The following ZNF667 variants were observed in gnomAD, a reference collection of about 807,000 sequenced individuals.
ZNF667 encodes the protein zinc finger protein 667.
A neutral mutation model predicts 31.8 loss-of-function variants in ZNF667; 13 were observed. That is an observed-to-expected ratio of 0.41 (90% CI 0.27 to 0.65). ZNF667 has a LOEUF of 0.65. Among genes scored for constraint, ZNF667 ranks in the 30% least tolerant of loss-of-function variants. The pLI is 0.32. For missense variants in ZNF667, 642 were observed against 725.6 expected (o/e 0.88, Z 1.32); for synonymous variants, 228 against 247.1 (o/e 0.92, Z 0.73).
At chr19:56,452,471 A>C (rs1485174346) in intron 6 of ZNF667, among the ~76,000 whole-genome samples, 2 of 152,254 alleles carry the variant, frequency 1.3e-5, no homozygotes, top group Non-Finnish European at 2.9e-5. Flanking sequence ...AGAGTTTGTA[A>C]CAATAAACGC....
At chr19:56,451,020 A>G (rs1218636203) in intron 6 of ZNF667, among the ~76,000 whole-genome samples, 2 of 152,220 alleles carry the variant, frequency 1.3e-5, no homozygotes, top group African/African-American at 4.8e-5. Flanking sequence ...CTAAATCTCC[A>G]GTCAAAAGCC....
intron 6 of ZNF667, among the ~76,000 whole-genome samples, chr19:56,450,636 C>T (rs10408272): frequency 0.015 from 2,278 of 152,092 alleles, 51 homozygotes; most frequent in African/African-American, 0.05. Flanking sequence ...GACTAAAAGA[C>T]GGACTGACAA....
chr19:56,470,054 A>G (rs1170133885), intron 3 of ZNF667: 1 of 457,228 alleles, frequency 2.2e-6, no homozygotes, highest in Admixed American at 2.3e-5. Context: ...CAATGTTCTC[A>G]TGTGTGCAGC....
At chr19:56,461,774 G>A (rs1218378089) in intron 4 of ZNF667, among the ~76,000 whole-genome samples, 1 of 152,270 alleles carries the variant, frequency 6.6e-6, no homozygotes, top group African/African-American at 2.4e-5. Flanking sequence ...CAGTCGTGGA[G>A]CATGCTGACC....
Position 56,442,170 on chromosome 19 carries a change from G to T in ZNF667, c.825C>A (p.His275Gln). ...TATATTTATGTGTTTTCTTTCCATT[G>T]TGAATTTTCTTATGAAGTAAAAGGG... ...MSSLLLHKKI[H>Q]NGKKTHKYNK... Residue 275 changes from histidine to glutamine, a missense_variant, in exon 7 of 7, where the codon CAC becomes CAA. Physicochemically the swap from His to Gln is conservative, Grantham distance 24. Transcript: ENST00000504904. The T allele has an allele frequency of 6.2e-7, 1 of 1,613,466 alleles. No individual in the cohort carries two copies. Among genetic ancestry groups the T allele is most frequent in the Non-Finnish European group, 8.5e-7 (1 of 1,179,806 alleles).
intron 3 of ZNF667, among the ~76,000 whole-genome samples, chr19:56,465,029 A>T (rs1391069005): frequency 6.6e-6 from 1 of 152,250 alleles, no homozygotes; most frequent in Admixed American, 6.5e-5. Flanking sequence ...ATTACTCTTC[A>T]CCAAATGTTA....
At chr19:56,455,257 TG>T (rs34960732) in intron 6 of ZNF667, among the ~76,000 whole-genome samples, 1 of 152,122 alleles carries the variant, frequency 6.6e-6, no homozygotes, top group African/African-American at 2.4e-5. Flanking sequence ...GACAACAGTA[TG>T]GGGGGGTTCC....
In ZNF667 at chr19:56,441,048, A is replaced by C. The variant is rs373830305; in HGVS notation, c.*114T>G. The C allele has an allele frequency of 5.0e-5, 73 of 1,471,760 alleles. No homozygotes were observed. In the African/African-American group the frequency reaches 9.7e-4, roughly 19 times the overall value. 91.2% of individuals were successfully genotyped at this position (1,471,760 alleles called of 1,614,324 possible). ...ATGACTTTTGCTCTTTGGCTTTCAA[A>C]GTGGGACATATCATCAAATGGTCCC... On this transcript the variant is annotated 3_prime_UTR_variant, in exon 7 of 7. Transcript: ENST00000504904. The surrounding 1 kb of genome is among the most constrained non-coding windows in gnomAD (Gnocchi z 4.2).
chr19:56,441,228 C>T lies in ZNF667; in HGVS notation c.1767G>A (p.Gly589=). ...SEKPYECSKC[G]KAYSRSSSLI... is the part of the protein sequence containing the mutation. Reference sequence around the variant, plus strand: ...GGGATGAACTCCGACTATATGCCTTCCCACATTTACTACATTCATAGGGTT... The same window carrying T: ...GGGATGAACTCCGACTATATGCCTTTCCACATTTACTACATTCATAGGGTT... The change falls in exon 7 of 7, where the codon GGG becomes GGA. Residue 589 remains glycine, a synonymous_variant. Transcript: ENST00000504904. This position sits in a 1 kb window ranked among gnomAD's most constrained non-coding sequence, Gnocchi z 4.2. 1.2e-6 allele frequency: 2 copies of T among 1,614,122 alleles called. No individual in the cohort carries two copies. The highest frequency in any genetic ancestry group is 1.7e-6 in the Non-Finnish European group (2 of 1,179,980).
chr19:56,474,144 A>G lies in ZNF667; in HGVS notation c.-661-20T>C, dbSNP rs1026474356. The G allele has an allele frequency of 6.6e-6, 1 of 152,264 alleles. No homozygotes were observed. The highest frequency in any genetic ancestry group is 2.4e-5 in the African/African-American group (1 of 41,456). 9.4% of individuals were successfully genotyped at this position (152,264 alleles called of 1,614,324 possible). On this transcript the variant is annotated intron_variant, in intron 1 of 6. Coordinates refer to ENST00000504904, the MANE Select transcript of ZNF667 (RefSeq NM_001321356.2). ...TGGAACCTGGATGGGAACATGCTTC[A>G]AAGAGTTACTGAACCGTGGTTGTGC... is the stretch of plus-strand genomic sequence containing the variant.
In ZNF667 at chr19:56,449,133, A is replaced by G. The variant is rs1045210265; in HGVS notation, c.254-6392T>C. 18 of 205,720 alleles carry G rather than the reference A, an allele frequency of 8.7e-5. No individual in the cohort carries two copies. In the East Asian group the frequency reaches 2.7e-3, roughly 31 times the overall value. 12.7% of individuals were successfully genotyped at this position (205,720 alleles called of 1,614,324 possible). On this transcript the variant is annotated intron_variant, in intron 6 of 6. Coordinates refer to ENST00000504904, the MANE Select transcript of ZNF667 (RefSeq NM_001321356.2). ...TGACCCCTAATGCAAACATGGCTGCAGTGAACAAAGACACATCCTAGCCCC... is the reference window on the plus strand; with the variant it reads ...TGACCCCTAATGCAAACATGGCTGCGGTGAACAAAGACACATCCTAGCCCC...
intron 6 of ZNF667, among the ~76,000 whole-genome samples, chr19:56,450,070 A>G (rs2042789140): frequency 6.6e-6 from 1 of 152,094 alleles, no homozygotes; most frequent in South Asian, 2.1e-4. Context: ...CGAGATAGTA[A>G]CAGAGAACTT....
chr19:56,474,949 G>C (rs970795427), intron 1 of ZNF667: 1 of 152,062 alleles, frequency 6.6e-6, no homozygotes, highest in Non-Finnish European at 1.5e-5. Flanking sequence ...TCTTTCTGTT[G>C]AAGTCCAGAC....
intron 1 of ZNF667, among the ~76,000 whole-genome samples, chr19:56,476,248 A>T (rs1250052070): frequency 1.3e-5 from 2 of 152,114 alleles, no homozygotes; most frequent in African/African-American, 4.8e-5. Context: ...TAGGAAGGGG[A>T]CACAACCATA....
At chr19:56,470,461 C>T (rs571634702) in intron 3 of ZNF667, among the ~76,000 whole-genome samples, 5 of 152,180 alleles carry the variant, frequency 3.3e-5, no homozygotes, top group Non-Finnish European at 5.9e-5. Context: ...CACCCAGGGT[C>T]CTCATCTTCC....
intron 6 of ZNF667, among the ~76,000 whole-genome samples, chr19:56,447,949 G>A (rs545294659): frequency 7.9e-5 from 12 of 152,226 alleles, no homozygotes; most frequent in South Asian, 2.1e-4. Context: ...GCCCTCCAGC[G>A]ATTGCCCCCT....
At chr19:56,475,300 A>G (rs565082848) in intron 1 of ZNF667, 1 of 152,302 alleles carries the variant, frequency 6.6e-6, no homozygotes, top group South Asian at 2.1e-4. Context: ...GGCTGAATGA[A>G]TGAATGCATC....
At chr19:56,473,784 A>C (rs1404425702) in intron 2 of ZNF667, among the ~76,000 whole-genome samples, 1 of 152,240 alleles carries the variant, frequency 6.6e-6, no homozygotes, top group Non-Finnish European at 1.5e-5. Flanking sequence ...AAAACATAGA[A>C]AAGTCATTTA....
intron 3 of ZNF667, among the ~76,000 whole-genome samples, chr19:56,469,684 T>C (rs1036460950): frequency 2.0e-5 from 3 of 152,040 alleles, no homozygotes; most frequent in Admixed American, 1.3e-4. Context: ...TCACGGCTGG[T>C]TCAGATATTT....
Sources: allele counts gnomAD v4.1 joint callset (sites outside exome capture counted in the v4.1 genomes callset), GRCh38; gene constraint gnomAD v4.1.1; non-coding constraint Gnocchi (gnomAD v3.1); transcripts MANE v1.5; gene names NCBI Gene and HGNC (gene_info 2026-07-23, HGNC 2026-07-21).